Variants in ACKR2 observed in about 807,000 individuals in gnomAD.
The protein encoded by ACKR2 is C-C chemokine receptor D6.
For missense variants in ACKR2, 457 were observed against 477.3 expected (o/e 0.96, Z 0.40); for synonymous variants, 207 against 192.2 (o/e 1.08, Z -0.64).
Position 42,818,689 on chromosome 3 carries a change from G to A in ACKR2, c.-118-942G>A, listed in dbSNP as rs897016223. Among the ~76,000 whole-genome samples the A allele has an allele frequency of 3.3e-5, 5 of 152,150 alleles. No homozygotes were observed. In the East Asian group the frequency reaches 5.8e-4, roughly 18 times the overall value. On this transcript the variant is annotated intron_variant, in intron 1 of 2. Transcript: ENST00000422265. ...CAATTCTCCTGTCTCTGCCTCCAGA[G>A]TAGCTGTGATTACAGGCAAGTGCCA...
intron 2 of ACKR2, among the ~76,000 whole-genome samples, chr3:42,828,093 T>TATATATATATA (rs1553699769): frequency 3.0e-4 from 21 of 70,620 alleles, no homozygotes; most frequent in East Asian, 1.2e-3. Flanking sequence ...TATATATATA[T>TATATATATATA]TTTTTTTTTT....
At chr3:42,864,076 GAGGA>G (rs1270811192) in intron 2 of ACKR2, among the ~76,000 whole-genome samples, 1 of 152,178 alleles carries the variant, frequency 6.6e-6, no homozygotes, top group Non-Finnish European at 1.5e-5. Flanking sequence ...AACCATACAT[GAGGA>G]AGGGTCAGGA....
chr3:42,851,387 G>A (rs1701157731), intron 2 of ACKR2: 11 of 985,392 alleles, frequency 1.1e-5, no homozygotes, highest in Non-Finnish European at 1.3e-5. Context: ...TGAGGAAGAG[G>A]CACCTGGCGC....
intron 2 of ACKR2, among the ~76,000 whole-genome samples, chr3:42,833,197 C>T (rs1016624471): frequency 2.0e-5 from 3 of 152,088 alleles, no homozygotes; most frequent in African/African-American, 4.8e-5. Context: ...GATGAGGGCT[C>T]ACTAAGTTGC....
intron 1 of ACKR2, among the ~76,000 whole-genome samples, chr3:42,813,965 A>G (rs1700720753): frequency 6.6e-6 from 1 of 152,152 alleles, no homozygotes; most frequent in Non-Finnish European, 1.5e-5. Flanking sequence ...ACTTTACCCA[A>G]ACTTAATGTA....
At chr3:42,857,706 A>T (rs2125622840) in intron 2 of ACKR2, among the ~76,000 whole-genome samples, 1 of 152,368 alleles carries the variant, frequency 6.6e-6, no homozygotes, top group South Asian at 2.1e-4. Flanking sequence ...CATTAAAAAT[A>T]TTGATATGAA....
At chr3:42,848,161 C>A (rs1392442709) in intron 2 of ACKR2, among the ~76,000 whole-genome samples, 1 of 145,576 alleles carries the variant, frequency 6.9e-6, no homozygotes, top group African/African-American at 2.5e-5. Context: ...CCCATGAGTT[C>A]ATACTAATAT....
chr3:42,816,918 A>G (rs1158665468), intron 1 of ACKR2, among the ~76,000 whole-genome samples: 1 of 152,140 alleles, frequency 6.6e-6, no homozygotes, highest in East Asian at 1.9e-4. Context: ...TACTAATGAA[A>G]AAAAAATTTG....
Position 42,864,806 on chromosome 3 carries a change from T to G in ACKR2, c.304T>G (p.Trp102Gly). ...NLLFLVTLPF[W>G]GISVAWHWVF... ...TCTGTTTCTGGTGACACTGCCCTTCTGGGGCATCTCCGTGGCCTGGCATTG... is the reference window on the plus strand; with the variant it reads ...TCTGTTTCTGGTGACACTGCCCTTCGGGGGCATCTCCGTGGCCTGGCATTG... The change falls in exon 3 of 3, where the codon TGG becomes GGG. Residue 102 changes from tryptophan (W) to glycine (G), a missense_variant. Physicochemically the swap from Trp to Gly is radical, Grantham distance 184. Transcript: ENST00000422265. 1 of 1,614,212 alleles carries G rather than the reference T, an allele frequency of 6.2e-7. No homozygotes were observed. The highest frequency in any genetic ancestry group is 8.5e-7 in the Non-Finnish European group (1 of 1,180,022).
intron 2 of ACKR2, among the ~76,000 whole-genome samples, chr3:42,847,737 T>C (rs987856853): frequency 2.2e-5 from 3 of 136,060 alleles, no homozygotes; most frequent in African/African-American, 8.1e-5. Flanking sequence ...GGAGGGAGGA[T>C]GCCTGATGGA....
intron 1 of ACKR2, among the ~76,000 whole-genome samples, chr3:42,815,696 A>G (rs1700741296): frequency 6.6e-6 from 1 of 152,230 alleles, no homozygotes; most frequent in African/African-American, 2.4e-5. Context: ...TTTATAAGAA[A>G]CACTAATATT....
rs772936168 is a variant in ACKR2, at chr3:42,864,475, A to G, written c.-28A>G. 2 of 1,563,964 alleles carry G rather than the reference A, an allele frequency of 1.3e-6. No individual in the cohort carries two copies. The highest frequency in any genetic ancestry group is 1.7e-6 in the Non-Finnish European group (2 of 1,155,990). ...TATTTTCCCCCCGCAGCACTACAGG[A>G]CGTCGGGACTGGGCATTTCCTTCCA... On this transcript the variant is annotated 5_prime_UTR_variant, in exon 3 of 3. Coordinates refer to ENST00000422265, the MANE Select transcript of ACKR2 (RefSeq NM_001296.5).
intron 2 of ACKR2, among the ~76,000 whole-genome samples, chr3:42,821,384 C>T (rs1559684250): frequency 6.6e-6 from 1 of 152,332 alleles, no homozygotes; most frequent in East Asian, 1.9e-4. Flanking sequence ...AGCACACGCA[C>T]ACAGGAGTCC....
rs1474053188 is a variant in ACKR2, at chr3:42,866,482, T to C, written c.*825T>C. On this transcript the variant is annotated 3_prime_UTR_variant, in exon 3 of 3. Coordinates refer to ENST00000422265, the MANE Select transcript of ACKR2 (RefSeq NM_001296.5). ...GAGCCACCATGCCTGGCCCTAATTTTTGTGTTTTTATTAGAAACAGAGTTT... is the reference window on the plus strand; with the variant it reads ...GAGCCACCATGCCTGGCCCTAATTTCTGTGTTTTTATTAGAAACAGAGTTT... 3 of 166,578 alleles carry C rather than the reference T, an allele frequency of 1.8e-5. No individual in the cohort carries two copies. Among genetic ancestry groups the C allele is most frequent in the Non-Finnish European group, 4.4e-5 (3 of 68,120 alleles). 10.3% of individuals were successfully genotyped at this position (166,578 alleles called of 1,614,324 possible). A position where few individuals can be genotyped will look rare whatever the true frequency, so the allele number is the denominator to read the frequency against.
intron 2 of ACKR2, among the ~76,000 whole-genome samples, chr3:42,860,164 CAAAAAAAAAAA>C (rs565028940): frequency 2.5e-4 from 2 of 8,050 alleles, no homozygotes; most frequent in African/African-American, 3.2e-4. Context: ...AAATGGAAAG[CAAAAAAAAAAA>C]AAAAAAAAAA....
intron 2 of ACKR2, chr3:42,835,292 T>C (rs1700976731): frequency 6.6e-6 from 1 of 151,872 alleles, no homozygotes; most frequent in Admixed American, 6.6e-5. Context: ...CTTTAAAACA[T>C]TCAGAGCTTA....
chr3:42,853,214 C>T (rs1701182019), intron 2 of ACKR2, among the ~76,000 whole-genome samples: 1 of 152,104 alleles, frequency 6.6e-6, no homozygotes, highest in African/African-American at 2.4e-5. Flanking sequence ...GGCTGAACTC[C>T]CAGTGTGTGA....
At chr3:42,845,850 AAAAAAAAAAAAAAAAG>A (rs1408328668) in intron 2 of ACKR2, among the ~76,000 whole-genome samples, 1 of 130,424 alleles carries the variant, frequency 7.7e-6, no homozygotes, top group African/African-American at 3.6e-5. Context: ...CTCCGTCTCA[AAAAAAAAAAAAAAAAG>A]AAAAAAGAAA....
chr3:42,836,621 G>A (rs1409459967), intron 2 of ACKR2, among the ~76,000 whole-genome samples: 3 of 152,190 alleles, frequency 2.0e-5, no homozygotes, highest in African/African-American at 7.2e-5. Context: ...GAGGATAGGA[G>A]GGTGACAAGC....
Sources: allele counts gnomAD v4.1 joint callset (sites outside exome capture counted in the v4.1 genomes callset), GRCh38; gene constraint gnomAD v4.1.1; transcripts MANE v1.5; gene names NCBI Gene and HGNC (gene_info 2026-07-23, HGNC 2026-07-21).